The following CDH12 variants were observed in gnomAD, a reference collection of about 807,000 sequenced individuals.
CDH12 encodes the protein cadherin 12.
A neutral mutation model predicts 74.1 loss-of-function variants in CDH12; 41 were observed. That is an observed-to-expected ratio of 0.55 (90% CI 0.43 to 0.72). The LOEUF is 0.72. Ranked by LOEUF, CDH12 falls within the 30% of genes least tolerant of loss-of-function variation. CDH12 has a pLI of 0.00. For synonymous variants in CDH12, 399 were observed against 355.0 expected, an observed-to-expected ratio of 1.12 and a Z score of -1.39; for missense variants, 945 against 977.2, an observed-to-expected ratio of 0.97 and a Z score of 0.44.
intron 4 of CDH12, among the ~76,000 whole-genome samples, chr5:22,124,493 TTTG>T (rs777227921): frequency 2.6e-5 from 4 of 152,164 alleles, no homozygotes; most frequent in Non-Finnish European, 4.4e-5. Context: ...CATCCTACTG[TTTG>T]TTGTTGTTGT....
At chr5:21,778,916 C>T (rs1463910318) in intron 11 of CDH12, among the ~76,000 whole-genome samples, 2 of 151,956 alleles carry the variant, frequency 1.3e-5, no homozygotes, top group African/African-American at 4.8e-5. Flanking sequence ...TAAAAAGTTA[C>T]AACATAAAAT....
At chr5:22,189,921 T>C (rs565217244) in intron 4 of CDH12, among the ~76,000 whole-genome samples, 2 of 152,178 alleles carry the variant, frequency 1.3e-5, no homozygotes, top group South Asian at 4.2e-4. Flanking sequence ...AAGACGTGTT[T>C]GCTTCACAGC....
At chr5:22,237,904 GTTC>G (rs1752615607) in intron 3 of CDH12, among the ~76,000 whole-genome samples, 1 of 152,140 alleles carries the variant, frequency 6.6e-6, no homozygotes, top group African/African-American at 2.4e-5. Context: ...CTATAAAATT[GTTC>G]TTCTTAATTC....
chr5:22,815,769 C>CAAAAAAAAAAAAAAAAAAAAAAAA (rs34135797), intron 1 of CDH12, among the ~76,000 whole-genome samples: 4 of 97,080 alleles, frequency 4.1e-5, no homozygotes, highest in African/African-American at 1.2e-4. Context: ...GACTCCGTCT[C>CAAAAAAAAAAAAAAAAAAAAAAAA]AAAAAAAAAA....
Position 22,692,195 on chromosome 5 carries a change from C to T in CDH12, c.-523+160863G>A, listed in dbSNP as rs188875262. ...TCTGACAGCTCCCTCCATCAGCTCC[C>T]CTTCCTCTTCCACCATGAACTGAAG... is the stretch of plus-strand genomic sequence containing the variant. On this transcript the variant is annotated intron_variant, in intron 1 of 14. Coordinates refer to ENST00000382254, the MANE Select transcript of CDH12 (RefSeq NM_004061.5). Among the ~76,000 whole-genome samples the T allele has an allele frequency of 1.8e-3, 274 of 152,282 alleles. 3 individuals carry two copies. The highest frequency in any genetic ancestry group is 0.017 in the Middle Eastern group (5 of 294).
In CDH12 at chr5:22,158,808, A is replaced by C. The variant is rs185823339; in HGVS notation, c.-187+53690T>G. Among the ~76,000 whole-genome samples the C allele has an allele frequency of 2.0e-3, 311 of 152,242 alleles. 2 individuals are homozygous for C. The highest frequency in any genetic ancestry group is 7.0e-3 in the African/African-American group (292 of 41,572). ...CCACTTCAACAACTGCTTGATTTAC[A>C]ATATGTTGACAAATTAGCTCAGGTC... On this transcript the variant is annotated intron_variant, in intron 4 of 14. Coordinates refer to ENST00000382254, the MANE Select transcript of CDH12 (RefSeq NM_004061.5).
chr5:21,866,504 TAA>T (rs1751334828), intron 6 of CDH12, among the ~76,000 whole-genome samples: 1 of 152,162 alleles, frequency 6.6e-6, no homozygotes, highest in South Asian at 2.1e-4. Flanking sequence ...CATGTTTTAG[TAA>T]AGAGATTGGC....
rs373845038 is a variant in CDH12, at chr5:22,398,044, G to A, written c.-333+7213C>T. ...AACTACTCTTGCCACCATTAGGTAA[G>A]TTTATAAGAAAGAGAGTAACTTAAC... On this transcript the variant is annotated intron_variant, in intron 3 of 14. Transcript: ENST00000382254. 3.4e-4 allele frequency among the ~76,000 whole-genome samples: 52 copies of A among 152,228 alleles called. No homozygotes were observed. In the South Asian group the frequency reaches 0.011, roughly 31 times the overall value.
chr5:22,500,590 G>A (rs1465981321), intron 2 of CDH12, among the ~76,000 whole-genome samples: 2 of 152,038 alleles, frequency 1.3e-5, no homozygotes, highest in Non-Finnish European at 2.9e-5. Flanking sequence ...TTAAAATTAT[G>A]TTCTGTTGAC....
chr5:22,184,887 G>A (rs1183024504), intron 4 of CDH12, among the ~76,000 whole-genome samples: 2 of 152,162 alleles, frequency 1.3e-5, no homozygotes, highest in African/African-American at 4.8e-5. Flanking sequence ...GGGTGAAAGT[G>A]CAGGTTTGTT....
chr5:22,025,784 C>A (rs1431635926), intron 5 of CDH12, among the ~76,000 whole-genome samples: 1 of 152,082 alleles, frequency 6.6e-6, no homozygotes, highest in Non-Finnish European at 1.5e-5. Flanking sequence ...TCTTTATTGT[C>A]ATTTCAACAA....
chr5:22,330,568 T>C (rs1294363586), intron 3 of CDH12, among the ~76,000 whole-genome samples: 1 of 151,748 alleles, frequency 6.6e-6, no homozygotes, highest in African/African-American at 2.4e-5. Flanking sequence ...CTGGCTAACA[T>C]GGTGAAATCC....
chr5:22,763,000 T>C (rs1746306137), intron 1 of CDH12, among the ~76,000 whole-genome samples: 1 of 151,872 alleles, frequency 6.6e-6, no homozygotes, highest in South Asian at 2.1e-4. Flanking sequence ...AAAAAATACA[T>C]CTATTCTTAC....
intron 2 of CDH12, among the ~76,000 whole-genome samples, chr5:22,446,257 C>T (rs1012455460): frequency 9.2e-5 from 14 of 152,104 alleles, no homozygotes; most frequent in Admixed American, 7.2e-4. Context: ...TCATCTGCAG[C>T]ACTTTCAAAG....
At chr5:22,706,261 T>C (rs1409285522) in intron 1 of CDH12, among the ~76,000 whole-genome samples, 1 of 152,100 alleles carries the variant, frequency 6.6e-6, no homozygotes, top group African/African-American at 2.4e-5. Flanking sequence ...TCTTAAATGC[T>C]TCTGTTTATA....
intron 5 of CDH12, among the ~76,000 whole-genome samples, chr5:22,073,188 A>G (rs1209623135): frequency 6.6e-6 from 1 of 152,124 alleles, no homozygotes; most frequent in African/African-American, 2.4e-5. Context: ...TTCATCAAAA[A>G]TAGGTTAAAT....
intron 1 of CDH12, among the ~76,000 whole-genome samples, chr5:22,690,515 G>A (rs1254337018): frequency 6.6e-6 from 1 of 152,194 alleles, no homozygotes; most frequent in East Asian, 1.9e-4. Flanking sequence ...ATCTTCTGGA[G>A]ATACAGATAA....
chr5:22,712,030 A>T (rs1743315386), intron 1 of CDH12, among the ~76,000 whole-genome samples: 2 of 152,166 alleles, frequency 1.3e-5, no homozygotes, highest in Middle Eastern at 3.4e-3. Flanking sequence ...ATGTTTATGC[A>T]CATGTCTATT....
chr5:22,222,582 C>G (rs918867955), intron 3 of CDH12, among the ~76,000 whole-genome samples: 2 of 151,094 alleles, frequency 1.3e-5, no homozygotes, highest in African/African-American at 4.9e-5. Flanking sequence ...TTTATATATT[C>G]TAAACTCTTA....
Sources: gnomAD v4.1 joint callset for allele counts (sites outside exome capture counted in the v4.1 genomes callset) on GRCh38, gnomAD v4.1.1 for gene constraint, MANE v1.5 for transcripts, NCBI Gene and HGNC (gene_info 2026-07-23, HGNC 2026-07-21) for gene names.